The following HCN3 variants were observed in gnomAD, a reference collection of about 807,000 sequenced individuals.
The protein encoded by HCN3 is hyperpolarization activated cyclic nucleotide gated potassium channel 3, also known as potassium/sodium hyperpolarization-activated cyclic nucleotide-gated channel 3.
Under a neutral mutation model 56.8 loss-of-function variants are expected in HCN3, and 36 were observed. The observed-to-expected ratio is 0.63, with a 90% CI of 0.49 to 0.84. HCN3 has a LOEUF of 0.84. HCN3 is among the 40% of genes least tolerant of loss of function. The pLI, the probability that HCN3 is intolerant of heterozygous loss-of-function variation, is 0.00. For synonymous variants in HCN3, 425 were observed against 439.7 expected (o/e 0.97, Z 0.42); for missense variants, 930 against 1,079.3 (o/e 0.86, Z 1.94).
At position 155,285,186 on chromosome 1, in the gene HCN3, A is replaced by G; in HGVS notation, c.1111A>G (p.Met371Val). 2 of 1,614,172 alleles carry G rather than the reference A, an allele frequency of 1.2e-6. No individual in the cohort carries two copies. Among genetic ancestry groups the G allele is most frequent in the Non-Finnish European group, 1.7e-6 (2 of 1,180,010 alleles). Residue 371 changes from methionine to valine, a missense_variant, in exon 5 of 8, where the codon ATG becomes GTG. Coordinates refer to ENST00000368358, the MANE Select transcript of HCN3 (RefSeq NM_020897.3). The surrounding 1 kb of genome is among the most constrained non-coding windows in gnomAD (Gnocchi z 4.5). ...QEKYKQVEQY[M>V]SFHKLPADTR... The stretch of plus-strand genomic sequence containing the variant: ...CCAGTACAAGCAGGTGGAGCAGTAC[A>G]TGTCCTTCCACAAGCTGCCAGCAGA...
chr1:155,285,124 C>A lies in HCN3; in HGVS notation c.1090-41C>A. 1 of 1,603,774 alleles carries A rather than the reference C, an allele frequency of 6.2e-7. No individual in the cohort carries two copies. The highest frequency in any genetic ancestry group is 8.5e-7 in the Non-Finnish European group (1 of 1,173,142). On this transcript the variant is annotated intron_variant, in intron 4 of 7. Coordinates refer to ENST00000368358, the MANE Select transcript of HCN3 (RefSeq NM_020897.3). This position sits in a 1 kb window ranked among gnomAD's most constrained non-coding sequence, Gnocchi z 4.5. ...CCCACTGTGCCGGCCCCAAATCTCTCCCTCTGTCCTCTTGCCCCTGGCAAT... is the reference window on the plus strand; with the variant it reads ...CCCACTGTGCCGGCCCCAAATCTCTACCTCTGTCCTCTTGCCCCTGGCAAT...
At position 155,282,171 on chromosome 1, in the gene HCN3, G is replaced by T. The variant is rs1007382119; in HGVS notation, c.279-240G>T. On this transcript the variant is annotated intron_variant, in intron 1 of 7. Transcript: ENST00000368358. The surrounding 1 kb of genome is among the most constrained non-coding windows in gnomAD (Gnocchi z 4.7). ...CCTGGAGCGCATATTTTCCTTGGAT[G>T]TGTCTATACGTAGGAATGGGATTGC... is the stretch of plus-strand genomic sequence containing the variant. Among the ~76,000 whole-genome samples the T allele has an allele frequency of 6.6e-6, 1 of 152,216 alleles. No individual in the cohort carries two copies. Among genetic ancestry groups the T allele is most frequent in the African/African-American group, 2.4e-5 (1 of 41,454 alleles).
Position 155,285,439 on chromosome 1 carries a change from G to A in HCN3, c.1236+128G>A. On this transcript the variant is annotated intron_variant, in intron 5 of 7. Transcript: ENST00000368358. This position sits in a 1 kb window ranked among gnomAD's most constrained non-coding sequence, Gnocchi z 4.5. ...CTGCAGAGGGCCCCGTGGGAGGCCA[G>A]GTATTTGGGCTTTCAGGGGCTAGGG... 1 of 1,275,032 alleles carries A rather than the reference G, an allele frequency of 7.8e-7. No individual in the cohort carries two copies. Among genetic ancestry groups the A allele is most frequent in the Non-Finnish European group, 1.1e-6 (1 of 935,672 alleles). The allele number at this position is 1,275,032 out of a possible 1,614,324, so 79.0% of individuals were successfully genotyped here.
rs751668749 is a variant in HCN3 at position 155,288,549 on chromosome 1, C to T, written c.*86C>T. 4.8e-6 allele frequency: 7 copies of T among 1,472,780 alleles called. No homozygotes were observed. The highest frequency in any genetic ancestry group is 6.4e-6 in the Non-Finnish European group (7 of 1,097,248). The allele number at this position is 1,472,780 out of a possible 1,614,324, so 91.2% of individuals were successfully genotyped here. A position where few individuals can be genotyped will look rare whatever the true frequency, so the allele number is the denominator to read the frequency against. Reference sequence around the variant, plus strand: ...TGCCTCTTGGGGAAGGCCATGGGGACCTGAAACATTGCCCCATGGAAATGT... The same window carrying T: ...TGCCTCTTGGGGAAGGCCATGGGGATCTGAAACATTGCCCCATGGAAATGT... On this transcript the variant is annotated 3_prime_UTR_variant, in exon 8 of 8. Transcript: ENST00000368358. The surrounding 1 kb of genome is among the most constrained non-coding windows in gnomAD (Gnocchi z 6.5).
In HCN3 at chr1:155,277,848, C is replaced by G; in HGVS notation, c.258C>G (p.Ile86Met). The change falls in exon 1 of 8, where the codon ATC (isoleucine) becomes ATG (methionine). Residue 86 changes from isoleucine (I) to methionine (M), a missense_variant. Ile to Met is a conservative substitution (Grantham distance 10). Transcript: ENST00000368358. ...TGAAGTCAGCGGGGGCCTGGATCAT[C>G]CACCCCTACAGCGACTTCCGGTATT... ...ERVKSAGAWI[I>M]HPYSDFRFYW... The G allele has an allele frequency of 6.2e-7, 1 of 1,612,158 alleles. No homozygotes were observed. The highest frequency in any genetic ancestry group is 8.5e-7 in the Non-Finnish European group (1 of 1,179,958).
At chr1:155,280,900 A>T (rs12044063) in intron 1 of HCN3, among the ~76,000 whole-genome samples, 56,105 of 147,328 alleles carry the variant, frequency 0.38, 12,232 homozygotes, top group East Asian at 0.71. Context: ...GATCACAGGC[A>T]TGTGCCACCA....
At chr1:155,283,900 T>G in intron 2 of HCN3, 74 bp from the exon 3 acceptor site, 1 of 1,518,094 alleles carries the variant, frequency 6.6e-7, no homozygotes, top group Non-Finnish European at 9.0e-7. Flanking sequence ...GAAGAGAATT[T>G]GCCAGGCTGG....
intron 1 of HCN3, among the ~76,000 whole-genome samples, chr1:155,278,186 A>G (rs943716713): frequency 1.3e-5 from 2 of 151,906 alleles, no homozygotes; most frequent in Non-Finnish European, 2.9e-5. Flanking sequence ...AGAGTTTGGG[A>G]CCCCTGCCTC....
At position 155,282,614 on chromosome 1, in the gene HCN3, C is replaced by T. The variant is rs775582089; in HGVS notation, c.482C>T (p.Pro161Leu). The part of the protein sequence containing the change: ...VEEGAEILLA[P>L]RAIRTRYLRT... ...GAGGGTGCTGAGATCCTGCTGGCAC[C>T]GCGGGCCATCCGCACGCGCTACCTG... The change falls in exon 2 of 8, where the codon CCG becomes CTG. Residue 161 changes from proline to leucine, a missense_variant. Physicochemically the swap from Pro to Leu is moderately conservative, Grantham distance 98. Transcript: ENST00000368358. The surrounding 1 kb of genome is among the most constrained non-coding windows in gnomAD (Gnocchi z 4.7). The T allele has an allele frequency of 3.7e-6, 6 of 1,614,248 alleles. No individual in the cohort carries two copies. Among genetic ancestry groups the T allele is most frequent in the South Asian group, 2.2e-5 (2 of 91,086 alleles).
At chr1:155,278,235 C>G (rs1444499805) in intron 1 of HCN3, 1 of 301,182 alleles carries the variant, frequency 3.3e-6, no homozygotes, top group African/African-American at 2.1e-5. Context: ...AAATTATATT[C>G]TAAGTATCGG....
In HCN3 at chr1:155,288,361, C is replaced by G; in HGVS notation, c.2223C>G (p.Pro741=). The G allele has an allele frequency of 6.2e-7, 1 of 1,613,872 alleles. No homozygotes were observed. Among genetic ancestry groups the G allele is most frequent in the Non-Finnish European group, 8.5e-7 (1 of 1,180,010 alleles). ...GATCAGGAAGTGAGCGGCTGCCTCC[C>G]TCAGGGCTCCTGGCCAAACCTCCAA... ...RKGSGSERLP[P]SGLLAKPPRT... The change falls in exon 8 of 8, where the codon CCC becomes CCG. Residue 741 remains proline (P), a synonymous_variant. Transcript: ENST00000368358. This position sits in a 1 kb window ranked among gnomAD's most constrained non-coding sequence, Gnocchi z 6.5.
At chr1:155,287,380 T>G in intron 7 of HCN3, 43 bp downstream of exon 7, 2 of 1,605,568 alleles carry the variant, frequency 1.2e-6, no homozygotes, top group Non-Finnish European at 1.7e-6. Flanking sequence ...CAGACTGTGC[T>G]CTCACCCCAC....
rs767727080 is a variant in HCN3, at chr1:155,277,853, C to T, written c.263C>T (p.Pro88Leu). Reference sequence around the variant, plus strand: ...TCAGCGGGGGCCTGGATCATCCACCCCTACAGCGACTTCCGGTATTGGGGG... The same window carrying T: ...TCAGCGGGGGCCTGGATCATCCACCTCTACAGCGACTTCCGGTATTGGGGG... ...VKSAGAWIIHPYSDFRFYWDL... is the reference protein window; with the variant it reads ...VKSAGAWIIHLYSDFRFYWDL... Residue 88 changes from proline (P) to leucine (L), a missense_variant, in exon 1 of 8, where the codon CCC becomes CTC. Physicochemically the swap from Pro to Leu is moderately conservative, Grantham distance 98. Coordinates refer to ENST00000368358, the MANE Select transcript of HCN3 (RefSeq NM_020897.3). 1 of 1,612,004 alleles carries T rather than the reference C, an allele frequency of 6.2e-7. No homozygotes were observed. The highest frequency in any genetic ancestry group is 1.1e-5 in the South Asian group (1 of 90,958).
At position 155,289,438 on chromosome 1, in the gene HCN3, C is replaced by G. The variant is rs1266549164; in HGVS notation, c.*975C>G. ...AGGAGGCAGGGCCTCTCCATGCCAG[C>G]CTCTGTGGTCCTTGCCCAAACCCAT... On this transcript the variant is annotated 3_prime_UTR_variant, in exon 8 of 8. Transcript: ENST00000368358. 1.3e-5 allele frequency: 2 copies of G among 152,250 alleles called. No individual in the cohort carries two copies. Among genetic ancestry groups the G allele is most frequent in the Non-Finnish European group, 2.9e-5 (2 of 68,052 alleles). 9.4% of individuals were successfully genotyped at this position (152,250 alleles called of 1,614,324 possible).
rs1674176361 is a variant in HCN3 at position 155,284,010 on chromosome 1, G to A, written c.745G>A (p.Val249Ile). ...GACCTATGACCTGGCCAGTGCTGTG[G>A]TTCGCATCTTCAACCTCATTGGGAT... ...HMTYDLASAV[V>I]RIFNLIGMML... The change falls in exon 3 of 8, where the codon GTT becomes ATT. Residue 249 changes from valine (V) to isoleucine (I), a missense_variant. By Grantham distance (29) the Val-to-Ile change is conservative. Transcript: ENST00000368358. The surrounding 1 kb of genome is among the most constrained non-coding windows in gnomAD (Gnocchi z 4.3). The A allele has an allele frequency of 6.2e-7, 1 of 1,614,014 alleles. No individual in the cohort carries two copies. The highest frequency in any genetic ancestry group is 1.7e-5 in the Admixed American group (1 of 60,000).
rs1557946712 is a variant in HCN3, at chr1:155,282,688, A to G, written c.556A>G (p.Ile186Val). The change falls in exon 2 of 8, where the codon ATC (isoleucine) becomes GTC (valine). Residue 186 changes from isoleucine to valine, a missense_variant. Ile to Val is a conservative substitution (Grantham distance 29). Transcript: ENST00000368358. The surrounding 1 kb of genome is among the most constrained non-coding windows in gnomAD (Gnocchi z 4.7). ...DLISSIPVDYIFLVVELEPRL... is the reference protein window; with the variant it reads ...DLISSIPVDYVFLVVELEPRL... ...CATCTCTTCTATCCCTGTGGATTAC[A>G]TCTTCCTAGTGGTGGAGCTGGAGCC... The G allele has an allele frequency of 3.7e-6, 6 of 1,614,154 alleles. No homozygotes were observed. Among genetic ancestry groups the G allele is most frequent in the Non-Finnish European group, 5.1e-6 (6 of 1,180,046 alleles).
intron 1 of HCN3, among the ~76,000 whole-genome samples, chr1:155,279,816 G>A (rs1350097530): frequency 3.9e-5 from 6 of 152,076 alleles, no homozygotes; most frequent in Non-Finnish European, 7.4e-5. Context: ...AATGCTGTGA[G>A]ATTAGCACAG....
Sources: gnomAD v4.1 joint callset for allele counts (sites outside exome capture counted in the v4.1 genomes callset) on GRCh38, gnomAD v4.1.1 for gene constraint, Gnocchi (gnomAD v3.1) non-coding constraint, MANE v1.5 for transcripts, NCBI Gene and HGNC (gene_info 2026-07-23, HGNC 2026-07-21) for gene names.